TMEM71: variants seen among roughly 807,000 people sequenced by gnomAD.
The protein encoded by TMEM71 is transmembrane protein 71.
A neutral mutation model predicts 38.0 loss-of-function variants in TMEM71; 44 were observed. That is an observed-to-expected ratio of 1.16 (90% CI 0.91 to 1.49). The LOEUF (loss-of-function observed/expected upper bound fraction) is 1.49. Ranked by LOEUF, TMEM71 falls within the 40% of genes most tolerant of loss-of-function variation. The pLI is 0.00. For synonymous variants in TMEM71, 133 were observed against 122.5 expected, an observed-to-expected ratio of 1.09 and a Z score of -0.56; for missense variants, 367 against 348.6, an observed-to-expected ratio of 1.05 and a Z score of -0.42.
chr8:132,764,697 G>A (rs1026949227), upstream of TMEM71, among the ~76,000 whole-genome samples: 1 of 152,102 alleles, frequency 6.6e-6, no homozygotes, highest in African/African-American at 2.4e-5. Flanking sequence ...TTTTCTCTGA[G>A]CAGCCTCTCT....
intron 6 of TMEM71, 120 bp downstream of exon 6, chr8:132,727,678 C>T: frequency 2.4e-6 from 2 of 832,540 alleles, no homozygotes; most frequent in South Asian, 4.0e-5. Context: ...CCATGTCCTC[C>T]CTTCCTCGCA....
intron 3 of TMEM71, among the ~76,000 whole-genome samples, chr8:132,752,200 G>A (rs1038349342): frequency 3.9e-5 from 6 of 152,156 alleles, no homozygotes; most frequent in Non-Finnish European, 5.9e-5. Flanking sequence ...AAACTTTAGC[G>A]TTTCTTTCTA....
intron 7 of TMEM71, among the ~76,000 whole-genome samples, chr8:132,721,607 C>T (rs1267305897): frequency 7.5e-5 from 11 of 146,566 alleles, no homozygotes; most frequent in African/African-American, 2.8e-4. Context: ...AGTGCAATGG[C>T]GGGATCTCAG....
rs948232339 is a variant in TMEM71, at chr8:132,710,921, G to T, written c.*46C>A. The T allele has an allele frequency of 6.3e-7, 1 of 1,585,278 alleles. No homozygotes were observed. The highest frequency in any genetic ancestry group is 1.4e-5 in the African/African-American group (1 of 73,878). On this transcript the variant is annotated 3_prime_UTR_variant, in exon 10 of 10. Coordinates refer to ENST00000677595, the MANE Select transcript of TMEM71 (RefSeq NM_001382403.1). The stretch of plus-strand genomic sequence containing the variant: ...TAGACTGCAAGTTGGACAATTTCCA[G>T]ATATTCAGATGGAGGACATTCATCG...
rs540761826 is a variant in TMEM71 at position 132,716,743 on chromosome 8, A to G, written c.753-2528T>C. ...CAATGCTTGTACTTTATAGTTATGAATAATTTATAACTTGAAAGATATAAA... is the reference window on the plus strand; with the variant it reads ...CAATGCTTGTACTTTATAGTTATGAGTAATTTATAACTTGAAAGATATAAA... On this transcript the variant is annotated intron_variant, in intron 7 of 9. Transcript: ENST00000677595. Among the ~76,000 whole-genome samples the G allele has an allele frequency of 1.2e-4, 18 of 152,308 alleles. No homozygotes were observed. In the South Asian group the frequency reaches 3.7e-3, roughly 32 times the overall value.
chr8:132,737,494 A>G (rs909749890), intron 5 of TMEM71, among the ~76,000 whole-genome samples: 2 of 152,216 alleles, frequency 1.3e-5, no homozygotes, highest in African/African-American at 4.8e-5. Flanking sequence ...TCCTTGCCTG[A>G]GAAACTTTCC....
At chr8:132,745,273 T>C (rs1479158710) in intron 5 of TMEM71, among the ~76,000 whole-genome samples, 5 of 152,116 alleles carry the variant, frequency 3.3e-5, no homozygotes, top group Admixed American at 2.6e-4. Context: ...GCACAAACTA[T>C]GAATCTAACA....
At chr8:132,774,504 T>A in the TMEM71 span, among the ~76,000 whole-genome samples, 1 of 152,228 alleles carries the variant, frequency 6.6e-6, no homozygotes, top group East Asian at 1.9e-4. Context: ...TAACTGAAGC[T>A]TAAAGAGAGT....
chr8:132,761,350 A>C (rs1829291341), upstream of TMEM71, among the ~76,000 whole-genome samples: 1 of 152,214 alleles, frequency 6.6e-6, no homozygotes, highest in African/African-American at 2.4e-5. Context: ...TAAACATAAA[A>C]ATATATATGT....
rs184785160 is a variant in TMEM71 at position 132,737,479 on chromosome 8, T to C, written c.487+9463A>G. 7.2e-5 allele frequency among the ~76,000 whole-genome samples: 11 copies of C among 152,340 alleles called. No homozygotes were observed. In the East Asian group the frequency reaches 1.2e-3, roughly 16 times the overall value. On this transcript the variant is annotated intron_variant, in intron 5 of 9. Coordinates refer to ENST00000677595, the MANE Select transcript of TMEM71 (RefSeq NM_001382403.1). ...TTTTCTTTCATAACACCACACTCTC[T>C]TGCTTCCTTGCCTGAGAAACTTTCC... is the stretch of plus-strand genomic sequence containing the variant.
At chr8:132,770,743 C>A in the TMEM71 span, among the ~76,000 whole-genome samples, 14 of 145,260 alleles carry the variant, frequency 9.6e-5, no homozygotes, top group African/African-American at 1.5e-4. Context: ...CTGTTACATG[C>A]GACAAAAAGA....
chr8:132,764,670 C>G (rs1439144911), upstream of TMEM71, among the ~76,000 whole-genome samples: 1 of 152,212 alleles, frequency 6.6e-6, no homozygotes, highest in Non-Finnish European at 1.5e-5. Flanking sequence ...CATCTCCCAT[C>G]TCTTTCTGAA....
At chr8:132,743,279 C>T (rs1828149933) in intron 5 of TMEM71, among the ~76,000 whole-genome samples, 1 of 152,142 alleles carries the variant, frequency 6.6e-6, no homozygotes, top group African/African-American at 2.4e-5. Flanking sequence ...TCAAAGTCTT[C>T]TATAGGCCAT....
At chr8:132,775,727 T>G in the TMEM71 span, 1 of 289,962 alleles carries the variant, frequency 3.4e-6, no homozygotes. Context: ...GGTGTCTCTC[T>G]TTCCGGCCCG....
chr8:132,738,714 C>A (rs1041380238), intron 5 of TMEM71, among the ~76,000 whole-genome samples: 15 of 152,148 alleles, frequency 9.9e-5, no homozygotes, highest in African/African-American at 3.6e-4. Context: ...CCTGCTCTTT[C>A]CCCTCTCCTC....
At chr8:132,720,460 A>G (rs564388471) in intron 7 of TMEM71, among the ~76,000 whole-genome samples, 2 of 152,330 alleles carry the variant, frequency 1.3e-5, no homozygotes, top group South Asian at 2.1e-4. Context: ...TGATTATTAT[A>G]CTAATGCACA....
chr8:132,739,532 C>T (rs976557726), intron 5 of TMEM71, among the ~76,000 whole-genome samples: 2 of 151,746 alleles, frequency 1.3e-5, no homozygotes, highest in Admixed American at 6.6e-5. Flanking sequence ...AGGATGGTCT[C>T]GATCTCCTGA....
chr8:132,761,304 G>T (rs1241596383), upstream of TMEM71, among the ~76,000 whole-genome samples: 1 of 152,190 alleles, frequency 6.6e-6, no homozygotes, highest in East Asian at 1.9e-4. Context: ...CCTCAGATTT[G>T]TGACTTACCC....
intron 9 of TMEM71, among the ~76,000 whole-genome samples, chr8:132,713,532 A>C (rs1289094326): frequency 1.3e-5 from 2 of 152,182 alleles, no homozygotes; most frequent in Non-Finnish European, 2.9e-5. Context: ...CATCCCAACC[A>C]GACCCCAGTA....
Sources: gnomAD v4.1 joint callset for allele counts (sites outside exome capture counted in the v4.1 genomes callset) on GRCh38, gnomAD v4.1.1 for gene constraint, MANE v1.5 for transcripts, NCBI Gene and HGNC (gene_info 2026-07-23, HGNC 2026-07-21) for gene names.